PPM1B: variants seen among roughly 807,000 people sequenced by gnomAD.
The protein encoded by PPM1B is protein phosphatase 1B.
PPM1B carries 22 observed loss-of-function variants against 43.0 expected under a neutral mutation model. The ratio of observed to expected loss-of-function variants is 0.51; its 90% CI spans 0.37 to 0.73. The LOEUF is 0.73. Among genes scored for constraint, PPM1B ranks in the 30% least tolerant of loss-of-function variants. The pLI is 0.00. For missense variants in PPM1B, 632 were observed against 584.2 expected, an observed-to-expected ratio of 1.08 and a Z score of -0.84; for synonymous variants, 217 against 197.9, an observed-to-expected ratio of 1.10 and a Z score of -0.81.
chr2:44,232,369 T>C, downstream of PPM1B: 1 of 1,603,894 alleles, frequency 6.2e-7, no homozygotes, highest in Non-Finnish European at 8.5e-7. Context: ...CTAAAATGCT[T>C]TTGATTCTGA....
chr2:44,227,506 A>G (rs1670271305), intron 5 of PPM1B, among the ~76,000 whole-genome samples: 2 of 150,960 alleles, frequency 1.3e-5, no homozygotes, highest in South Asian at 2.1e-4. Context: ...CATGGGCCAT[A>G]CACAGTATCA....
intron 1 of PPM1B, among the ~76,000 whole-genome samples, chr2:44,195,193 TTTTC>T (rs1199816033): frequency 3.4e-5 from 5 of 146,732 alleles, no homozygotes; most frequent in Non-Finnish European, 6.0e-5. Context: ...CCACCTGGCC[TTTTC>T]TTTCTTTCTT....
intron 1 of PPM1B, among the ~76,000 whole-genome samples, chr2:44,174,988 CT>C (rs1421490901): frequency 2.0e-5 from 3 of 152,198 alleles, no homozygotes; most frequent in Non-Finnish European, 4.4e-5. Context: ...GGCCTGGTGG[CT>C]CACGCCTATA....
Position 44,203,566 on chromosome 2 carries a change from C to T in PPM1B, c.846+1521C>T, listed in dbSNP as rs529271000. ...CAAAATTTTGCCATCCACCCTAAGT[C>T]AGCTACTTTCATTGTTGTGGTGTAT... On this transcript the variant is annotated intron_variant, in intron 2 of 5. Transcript: ENST00000282412. 3.3e-5 allele frequency among the ~76,000 whole-genome samples: 5 copies of T among 152,238 alleles called. No individual in the cohort carries two copies. The South Asian group carries it at 1.0e-3, about 32-fold the overall frequency.
downstream of PPM1B, chr2:44,232,796 A>G: frequency 1.0e-6 from 1 of 984,538 alleles, no homozygotes; most frequent in East Asian, 1.1e-4. Context: ...AGCCTTTTGC[A>G]GCTCTGTGGC....
intron 5 of PPM1B, among the ~76,000 whole-genome samples, chr2:44,225,244 C>G (rs1312316243): frequency 6.6e-6 from 1 of 152,160 alleles, no homozygotes; most frequent in African/African-American, 2.4e-5. Context: ...ATGAAATTGT[C>G]TTTACTCTAA....
chr2:44,202,725 T>A (rs1668998484), intron 2 of PPM1B, among the ~76,000 whole-genome samples: 1 of 152,310 alleles, frequency 6.6e-6, no homozygotes, highest in African/African-American at 2.4e-5. Flanking sequence ...TGTGAAAAAT[T>A]CCTGTGGAAC....
At chr2:44,218,911 G>A (rs752455249) in intron 5 of PPM1B, 1 of 461,344 alleles carries the variant, frequency 2.2e-6, no homozygotes, top group East Asian at 6.5e-5. Flanking sequence ...CCAGAAGTTA[G>A]TGATAGTGAG....
chr2:44,244,820 G>GATATATATATATATATAT (rs542334922), downstream of PPM1B, among the ~76,000 whole-genome samples: 26 of 129,874 alleles, frequency 2.0e-4, no homozygotes, highest in South Asian at 1.0e-3. Context: ...AATTACTTGA[G>GATATATATATATATATAT]ATATATATAT....
downstream of PPM1B, among the ~76,000 whole-genome samples, chr2:44,244,724 G>T (rs1670822548): frequency 6.6e-6 from 1 of 150,476 alleles, no homozygotes; most frequent in Non-Finnish European, 1.5e-5. Context: ...TGTTCTACGC[G>T]AATACAAATC....
chr2:44,243,650 T>G (rs1670796992), intron 5 of PPM1B, among the ~76,000 whole-genome samples: 1 of 152,244 alleles, frequency 6.6e-6, no homozygotes, highest in South Asian at 2.1e-4. Flanking sequence ...TTGTCCTTTA[T>G]GACATATTCA....
intron 5 of PPM1B, among the ~76,000 whole-genome samples, chr2:44,221,071 C>A (rs183875992): frequency 2.8e-4 from 42 of 151,928 alleles, no homozygotes; most frequent in African/African-American, 9.2e-4. Context: ...ATGATAGATT[C>A]AAAAAAATAT....
chr2:44,218,499 G>C lies in PPM1B; in HGVS notation c.1096G>C (p.Val366Leu). 1 of 1,584,070 alleles carries C rather than the reference G, an allele frequency of 6.3e-7. No homozygotes were observed. The highest frequency in any genetic ancestry group is 8.6e-7 in the Non-Finnish European group (1 of 1,168,352). ...LAGKRNVIEAVYSRLNPHRES... is the reference protein window; with the variant it reads ...LAGKRNVIEALYSRLNPHRES... ...TTTTAGGCGTAATGTTATTGAAGCT[G>C]TTTATAGTAGACTGAATCCACATAG... Residue 366 changes from valine to leucine, a missense_variant, in exon 5 of 6, where the codon GTT becomes CTT. Physicochemically the swap from Val to Leu is conservative, Grantham distance 32. Around this residue, in one of 3 missense-constraint regions of PPM1B, gnomAD observed 392 missense variants for 302.7 expected, o/e 1.29. Coordinates refer to ENST00000282412, the MANE Select transcript of PPM1B (RefSeq NM_002706.6).
chr2:44,235,736 C>CA (rs1275319727), downstream of PPM1B, among the ~76,000 whole-genome samples: 7 of 151,330 alleles, frequency 4.6e-5, no homozygotes, highest in Non-Finnish European at 8.8e-5. Flanking sequence ...TTTCTACACA[C>CA]AAAAAAATTC....
rs537122536 is a variant in PPM1B at position 44,230,773 on chromosome 2, G to A, written c.*55G>A. 17 of 1,556,474 alleles carry A rather than the reference G, an allele frequency of 1.1e-5. No individual in the cohort carries two copies. The highest frequency in any genetic ancestry group is 3.5e-4 in the Middle Eastern group (2 of 5,640). On this transcript the variant is annotated 3_prime_UTR_variant, in exon 6 of 6. Transcript: ENST00000282412. ...TTTGATGGTTTTTAACCTAGGAAGTGTAATGTATGCATTTATATAACTGTT... is the reference window on the plus strand; with the variant it reads ...TTTGATGGTTTTTAACCTAGGAAGTATAATGTATGCATTTATATAACTGTT...
downstream of PPM1B, chr2:44,232,421 C>T (rs1346539928): frequency 6.3e-7 from 1 of 1,585,342 alleles, no homozygotes; most frequent in African/African-American, 1.4e-5. Context: ...TTCTTCAATA[C>T]AAGGGGAAAA....
At chr2:44,191,736 A>C (rs1469393363) in intron 1 of PPM1B, among the ~76,000 whole-genome samples, 2 of 152,144 alleles carry the variant, frequency 1.3e-5, no homozygotes, top group African/African-American at 4.8e-5. Context: ...TCTCCAGGAA[A>C]TTATATGCAT....
At chr2:44,236,062 A>G (rs1467808122), downstream of PPM1B, among the ~76,000 whole-genome samples, 3 of 151,972 alleles carry the variant, frequency 2.0e-5, no homozygotes, top group Non-Finnish European at 4.4e-5. Flanking sequence ...TTAATGCTAA[A>G]AGTAGAAATC....
intron 1 of PPM1B, among the ~76,000 whole-genome samples, chr2:44,175,702 G>A (rs137962493): frequency 2.6e-5 from 4 of 151,990 alleles, no homozygotes; most frequent in African/African-American, 4.8e-5. Context: ...AAAGGAAGAG[G>A]TTTTCTGTAA....
Sources: gnomAD v4.1 joint callset for allele counts (sites outside exome capture counted in the v4.1 genomes callset) on GRCh38, gnomAD v4.1.1 for gene constraint, gnomAD v4.1.1 regional missense constraint, MANE v1.5 for transcripts, NCBI Gene and HGNC (gene_info 2026-07-23, HGNC 2026-07-21) for gene names.